The following ZNF618 variants were observed in gnomAD, a reference collection of about 807,000 sequenced individuals.
The protein encoded by ZNF618 is zinc finger protein 618, also known as neural precursor cell expressed, developmentally down-regulated 10.
ZNF618 carries 34 observed loss-of-function variants against 103.0 expected under a neutral mutation model. The observed-to-expected ratio is 0.33, with a 90% CI of 0.25 to 0.44. ZNF618 has a LOEUF of 0.44. ZNF618 is among the 20% of genes least tolerant of loss of function. The probability of loss-of-function intolerance (pLI) is 1.00; values close to 1 mark genes in which losing one functional copy is unlikely to be tolerated. For synonymous variants in ZNF618, 551 were observed against 542.2 expected, an observed-to-expected ratio of 1.02 and a Z score of -0.23; for missense variants, 1,059 against 1,295.4, an observed-to-expected ratio of 0.82 and a Z score of 2.80.
At chr9:113,959,140 T>C (rs1836598374) in intron 1 of ZNF618, among the ~76,000 whole-genome samples, 1 of 151,970 alleles carries the variant, frequency 6.6e-6, no homozygotes, top group Admixed American at 6.6e-5. Flanking sequence ...AAATACAAAA[T>C]TAGCCGGGCG....
chr9:113,895,253 T>C (rs1349258963), intron 1 of ZNF618, among the ~76,000 whole-genome samples: 1 of 152,140 alleles, frequency 6.6e-6, no homozygotes, highest in Non-Finnish European at 1.5e-5. Context: ...ACTATAAAGC[T>C]ATTTAGTAAT....
chr9:114,008,033 C>T (rs974901735), intron 7 of ZNF618, among the ~76,000 whole-genome samples: 4 of 152,176 alleles, frequency 2.6e-5, no homozygotes, highest in Non-Finnish European at 5.9e-5. Context: ...TTTCTCCTGC[C>T]CTGGCCCCTT....
At chr9:114,001,225 G>A (rs1406299195) in intron 4 of ZNF618, among the ~76,000 whole-genome samples, 1 of 152,036 alleles carries the variant, frequency 6.6e-6, no homozygotes, top group Non-Finnish European at 1.5e-5. Context: ...TGCTCACTAG[G>A]AGCTTGGCCA....
At chr9:114,009,529 G>A (rs1018704416) in intron 9 of ZNF618, among the ~76,000 whole-genome samples, 16 of 152,136 alleles carry the variant, frequency 1.1e-4, no homozygotes, top group African/African-American at 3.4e-4. Flanking sequence ...GGCAGGTGCC[G>A]TGGGACCACA....
In ZNF618 at chr9:114,055,837, A is replaced by G. The variant is rs1454548981; in HGVS notation, c.*5670A>G. On this transcript the variant is annotated 3_prime_UTR_variant, in exon 15 of 15. Coordinates refer to ENST00000374126, the MANE Select transcript of ZNF618 (RefSeq NM_001318042.2). The stretch of plus-strand genomic sequence containing the variant: ...TCCTTATAAGTTTTATGTGTTTAAT[A>G]TTTCTTAATACCGGTAGCATTAATT... The G allele has an allele frequency of 6.6e-6, 1 of 152,390 alleles. No individual in the cohort carries two copies. Among genetic ancestry groups the G allele is most frequent in the Non-Finnish European group, 1.5e-5 (1 of 67,982 alleles). The allele number at this position is 152,390 out of a possible 1,614,324, so 9.4% of individuals were successfully genotyped here. A position where few individuals can be genotyped will look rare whatever the true frequency, so the allele number is the denominator to read the frequency against.
chr9:114,042,852 A>G (rs760355006), intron 13 of ZNF618, among the ~76,000 whole-genome samples: 1 of 152,148 alleles, frequency 6.6e-6, no homozygotes, highest in Non-Finnish European at 1.5e-5. Context: ...TAATATTACC[A>G]TCAACCCAGA....
chr9:113,911,628 CG>C (rs1480561642), intron 1 of ZNF618, among the ~76,000 whole-genome samples: 1 of 151,998 alleles, frequency 6.6e-6, no homozygotes, highest in Non-Finnish European at 1.5e-5. Context: ...CGTGCCTGGC[CG>C]GTATTGTTTT....
intron 1 of ZNF618, among the ~76,000 whole-genome samples, chr9:113,962,420 GAT>G (rs934910715): frequency 5.1e-4 from 77 of 152,264 alleles, no homozygotes; most frequent in African/African-American, 1.8e-3. Context: ...CAACCAGAGT[GAT>G]CTTTCTAAAA....
chr9:114,055,022 G>T lies in ZNF618; in HGVS notation c.*4855G>T, dbSNP rs1229897017. 1 of 147,396 alleles carries T rather than the reference G, an allele frequency of 6.8e-6. No homozygotes were observed. The highest frequency in any genetic ancestry group is 7.2e-5 in the Admixed American group (1 of 13,870). 9.1% of individuals were successfully genotyped at this position (147,396 alleles called of 1,614,324 possible). On this transcript the variant is annotated 3_prime_UTR_variant, in exon 15 of 15. Coordinates refer to ENST00000374126, the MANE Select transcript of ZNF618 (RefSeq NM_001318042.2). Reference sequence around the variant, plus strand: ...GAAGGATTTGCTAGGTTTGCATTTGGGTGTTAGCATCACGACCCACGAGGG... The same window carrying T: ...GAAGGATTTGCTAGGTTTGCATTTGTGTGTTAGCATCACGACCCACGAGGG...
At chr9:114,034,254 G>A (rs1304730219) in intron 12 of ZNF618, among the ~76,000 whole-genome samples, 1 of 152,190 alleles carries the variant, frequency 6.6e-6, no homozygotes, top group Non-Finnish European at 1.5e-5. Flanking sequence ...CTCTCCAAGA[G>A]GTGGGCCTGA....
intron 1 of ZNF618, among the ~76,000 whole-genome samples, chr9:113,934,942 A>G (rs1833905700): frequency 6.6e-6 from 1 of 152,162 alleles, no homozygotes; most frequent in Non-Finnish European, 1.5e-5. Flanking sequence ...GCCGTGCAGG[A>G]TGAGGAGGGG....
At position 113,941,645 on chromosome 9, in the gene ZNF618, G is replaced by A. The variant is rs562322670; in HGVS notation, c.34-27472G>A. 3.3e-5 allele frequency among the ~76,000 whole-genome samples: 5 copies of A among 152,248 alleles called. No homozygotes were observed. In the South Asian group the frequency reaches 8.3e-4, roughly 25 times the overall value. On this transcript the variant is annotated intron_variant, in intron 1 of 14. Coordinates refer to ENST00000374126, the MANE Select transcript of ZNF618 (RefSeq NM_001318042.2). ...GTCTTGTCTTCTGCCTCTTGATCTTGCAGATGAGAAGTCTAATACTAGACT... is the reference window on the plus strand; with the variant it reads ...GTCTTGTCTTCTGCCTCTTGATCTTACAGATGAGAAGTCTAATACTAGACT...
At chr9:113,973,326 T>C (rs1476695848) in intron 2 of ZNF618, among the ~76,000 whole-genome samples, 3 of 152,170 alleles carry the variant, frequency 2.0e-5, no homozygotes, top group Non-Finnish European at 2.9e-5. Flanking sequence ...AGCTATGCTA[T>C]GGCACACTCT....
At position 113,902,322 on chromosome 9, in the gene ZNF618, A is replaced by G. The variant is rs184504159; in HGVS notation, c.33+25909A>G. On this transcript the variant is annotated intron_variant, in intron 1 of 14. Coordinates refer to ENST00000374126, the MANE Select transcript of ZNF618 (RefSeq NM_001318042.2). ...ACATGTAAACACTCAGCACATAGTA[A>G]GAACTCAGATGCTACCTGTTTTCTT... is the stretch of plus-strand genomic sequence containing the variant. Among the ~76,000 whole-genome samples the G allele has an allele frequency of 1.2e-4, 18 of 152,340 alleles. No homozygotes were observed. In the East Asian group the frequency reaches 3.5e-3, roughly 29 times the overall value.
At chr9:113,922,045 A>G (rs562838372) in intron 1 of ZNF618, among the ~76,000 whole-genome samples, 88 of 152,354 alleles carry the variant, frequency 5.8e-4, no homozygotes, top group African/African-American at 1.8e-3. Context: ...TTTTTGATGT[A>G]TCGATACTTT....
At chr9:113,905,148 T>C (rs1587995255) in intron 1 of ZNF618, among the ~76,000 whole-genome samples, 1 of 152,138 alleles carries the variant, frequency 6.6e-6, no homozygotes, top group East Asian at 1.9e-4. Flanking sequence ...TGGCTTACCG[T>C]AACCTCTGCC....
chr9:114,034,367 T>C (rs1488365338), intron 12 of ZNF618, among the ~76,000 whole-genome samples: 1 of 152,174 alleles, frequency 6.6e-6, no homozygotes, highest in South Asian at 2.1e-4. Flanking sequence ...CAAGCCATGC[T>C]GCACCCCCAT....
intron 13 of ZNF618, among the ~76,000 whole-genome samples, chr9:114,046,941 T>C (rs1845708304): frequency 6.6e-6 from 1 of 152,142 alleles, no homozygotes; most frequent in Non-Finnish European, 1.5e-5. Context: ...CATCACAGGA[T>C]CACAATTAGG....
intron 1 of ZNF618, among the ~76,000 whole-genome samples, chr9:113,888,374 C>T (rs1829275124): frequency 1.3e-5 from 2 of 152,274 alleles, no homozygotes; most frequent in South Asian, 4.1e-4. Flanking sequence ...TTTCAGCCCC[C>T]AGCTCCCCAT....
Sources: allele counts gnomAD v4.1 joint callset (sites outside exome capture counted in the v4.1 genomes callset), GRCh38; gene constraint gnomAD v4.1.1; transcripts MANE v1.5; gene names NCBI Gene and HGNC (gene_info 2026-07-23, HGNC 2026-07-21).